Variants in RIMS1 observed in about 807,000 individuals in gnomAD.
RIMS1 encodes regulating synaptic membrane exocytosis protein 1.
Under a neutral mutation model 214.1 loss-of-function variants are expected in RIMS1, and 83 were observed. That is an observed-to-expected ratio of 0.39 (90% CI 0.32 to 0.47). RIMS1 has a LOEUF of 0.47. Ranked by LOEUF, RIMS1 falls within the 20% of genes least tolerant of loss-of-function variation. The pLI, the probability that RIMS1 is intolerant of heterozygous loss-of-function variation, is 0.99. For missense variants in RIMS1, 2,050 were observed against 2,161.8 expected (o/e 0.95, Z 1.03); for synonymous variants, 793 against 786.8 (o/e 1.01, Z -0.13).
At chr6:72,361,956 T>TG (rs1180516140) in intron 29 of RIMS1, among the ~76,000 whole-genome samples, 4 of 150,680 alleles carry the variant, frequency 2.7e-5, no homozygotes, top group Non-Finnish European at 5.9e-5. Context: ...TGAACATCTT[T>TG]GGAGGACCAT....
At chr6:72,235,781 G>A in intron 8 of RIMS1, 53 bp downstream of exon 8, 1 of 960,872 alleles carries the variant, frequency 1.0e-6, no homozygotes, top group Non-Finnish European at 1.5e-6. Context: ...AGTATGGTCT[G>A]CATTCATCGG....
At chr6:72,314,985 A>C (rs2095692723) in intron 28 of RIMS1, among the ~76,000 whole-genome samples, 1 of 152,164 alleles carries the variant, frequency 6.6e-6, no homozygotes, top group East Asian at 1.9e-4. Flanking sequence ...TTGTGAGTTC[A>C]TTTTCATTCT....
Position 72,150,664 on chromosome 6 carries a change from C to T in RIMS1, c.472-28911C>T, listed in dbSNP as rs868091811. On this transcript the variant is annotated intron_variant, in intron 4 of 33. Transcript: ENST00000521978. Reference sequence around the variant, plus strand: ...GTGATCTAATGTCACGAACTAGTTTCGTAGGAATTGAAGTAAATGAATATG... The same window carrying T: ...GTGATCTAATGTCACGAACTAGTTTTGTAGGAATTGAAGTAAATGAATATG... Among the ~76,000 whole-genome samples the T allele has an allele frequency of 7.2e-5, 11 of 152,188 alleles. 1 individual carries two copies. The highest frequency in any genetic ancestry group is 2.0e-4 in the Admixed American group (3 of 15,278).
intron 2 of RIMS1, among the ~76,000 whole-genome samples, chr6:72,053,895 T>G (rs955959015): frequency 2.6e-5 from 4 of 152,120 alleles, no homozygotes; most frequent in Non-Finnish European, 4.4e-5. Flanking sequence ...CCAAATTTCA[T>G]TGTATTATTT....
intron 28 of RIMS1, among the ~76,000 whole-genome samples, chr6:72,326,593 A>C (rs2154329664): frequency 6.6e-6 from 1 of 151,932 alleles, no homozygotes; most frequent in Middle Eastern, 3.4e-3. Flanking sequence ...CTATACAATC[A>C]GTACATATTC....
At chr6:72,060,354 A>C (rs1827548069) in intron 2 of RIMS1, among the ~76,000 whole-genome samples, 1 of 152,138 alleles carries the variant, frequency 6.6e-6, no homozygotes, top group Non-Finnish European at 1.5e-5. Flanking sequence ...AGTGCATCCT[A>C]CACTCTGCCT....
At chr6:72,283,894 A>G (rs2091325212) in intron 23 of RIMS1, among the ~76,000 whole-genome samples, 153 bp from the exon 24 acceptor site, 1 of 152,048 alleles carries the variant, frequency 6.6e-6, no homozygotes, top group Non-Finnish European at 1.5e-5. Flanking sequence ...TCATTCATTC[A>G]TTTATTTGTT....
At chr6:72,170,260 T>C (rs1333235112) in intron 4 of RIMS1, among the ~76,000 whole-genome samples, 1 of 152,238 alleles carries the variant, frequency 6.6e-6, no homozygotes, top group African/African-American at 2.4e-5. Context: ...CCACTCAGAG[T>C]GCCCAATGCC....
At chr6:71,955,076 A>G (rs1241452389) in intron 1 of RIMS1, among the ~76,000 whole-genome samples, 1 of 152,150 alleles carries the variant, frequency 6.6e-6, no homozygotes, top group Non-Finnish European at 1.5e-5. Context: ...TGAATATGCC[A>G]TGATTTTTTT....
chr6:72,187,700 G>A (rs1213466617), intron 6 of RIMS1, among the ~76,000 whole-genome samples: 4 of 151,866 alleles, frequency 2.6e-5, no homozygotes, highest in African/African-American at 9.7e-5. Context: ...CACCATGTTG[G>A]TCAGGATGGT....
chr6:72,157,903 T>C (rs1278007925), intron 4 of RIMS1, among the ~76,000 whole-genome samples: 1 of 140,762 alleles, frequency 7.1e-6, no homozygotes, highest in African/African-American at 2.5e-5. Context: ...ATTGCTATTA[T>C]TTTGTTATTC....
intron 1 of RIMS1, among the ~76,000 whole-genome samples, chr6:71,937,815 A>G (rs1784921405): frequency 6.6e-6 from 1 of 152,212 alleles, no homozygotes; most frequent in Admixed American, 6.5e-5. Flanking sequence ...GTTAAATCAT[A>G]GAATTCTACC....
At chr6:71,909,232 A>G (rs1247753784) in intron 1 of RIMS1, among the ~76,000 whole-genome samples, 1 of 152,126 alleles carries the variant, frequency 6.6e-6, no homozygotes, top group Admixed American at 6.6e-5. Flanking sequence ...CTTGACCTCA[A>G]GTAATCCACC....
At chr6:72,034,555 G>C (rs953474381) in intron 2 of RIMS1, among the ~76,000 whole-genome samples, 2 of 151,852 alleles carry the variant, frequency 1.3e-5, no homozygotes, top group Admixed American at 1.3e-4. Flanking sequence ...TTAAAACTCT[G>C]TTTTTAAAGT....
At chr6:72,317,091 C>T in intron 28 of RIMS1, 1 of 425,252 alleles carries the variant, frequency 2.4e-6, no homozygotes. Context: ...TGGGCACCAC[C>T]TCCTCCCCAC....
chr6:71,969,096 TGTC>T (rs1795175965), intron 2 of RIMS1, 33 bp downstream of exon 2: 2 of 1,586,958 alleles, frequency 1.3e-6, no homozygotes, highest in Non-Finnish European at 1.7e-6. Context: ...TGACTGAAAA[TGTC>T]GTCTCTTACA....
intron 6 of RIMS1, among the ~76,000 whole-genome samples, chr6:72,185,902 C>T (rs937465223): frequency 1.3e-5 from 2 of 152,146 alleles, no homozygotes; most frequent in South Asian, 2.1e-4. Flanking sequence ...GTGAAGACGA[C>T]GAGGATGAAG....
At chr6:72,095,116 ATT>A (rs71540328) in intron 2 of RIMS1, among the ~76,000 whole-genome samples, 1 of 98,952 alleles carries the variant, frequency 1.0e-5, no homozygotes, top group African/African-American at 4.0e-5. Flanking sequence ...ACGCCCGACT[ATT>A]TTTTTTTTTT....
intron 2 of RIMS1, among the ~76,000 whole-genome samples, chr6:71,987,846 A>G (rs1384440569): frequency 6.6e-6 from 1 of 152,136 alleles, no homozygotes; most frequent in East Asian, 1.9e-4. Context: ...GTGGTGTGTC[A>G]TTGATTGTGT....
Sources: gnomAD v4.1 joint callset for allele counts (sites outside exome capture counted in the v4.1 genomes callset) on GRCh38, gnomAD v4.1.1 for gene constraint, MANE v1.5 for transcripts, NCBI Gene and HGNC (gene_info 2026-07-23, HGNC 2026-07-21) for gene names.